CFAP61: variants seen among roughly 807,000 people sequenced by gnomAD.
CFAP61 encodes the protein cilia and flagella associated protein 61, also known as cilia- and flagella-associated protein 61.
In CFAP61, 107 loss-of-function variants were observed where a neutral mutation model predicts 135.6. That is an observed-to-expected ratio of 0.79 (90% CI 0.67 to 0.93). CFAP61 has a LOEUF of 0.93. Ranked by LOEUF, CFAP61 falls within the 40% of genes least tolerant of loss-of-function variation. The pLI is 0.00. For missense variants in CFAP61, 1,507 were observed against 1,556.2 expected, an observed-to-expected ratio of 0.97 and a Z score of 0.53; for synonymous variants, 575 against 578.5, an observed-to-expected ratio of 0.99 and a Z score of 0.09.
Position 20,269,152 on chromosome 20 carries a change from C to CACACACACATACATATATGTATAT in CFAP61, c.2503+6031_2503+6032insTACATATATGTATATACACACACA, listed in dbSNP as rs1569219258. On this transcript the variant is annotated intron_variant, in intron 21 of 26. Transcript: ENST00000245957. Reference sequence around the variant, plus strand: ...ATATATATATATATATATATACACACACACACACACACATACATATATGTA... The same window carrying CACACACACATACATATATGTATAT: ...ATATATATATATATATATATACACACACACACACATACATATATGTATATACACACACACACATACATATATGTA... 6.7e-5 allele frequency among the ~76,000 whole-genome samples: 6 copies of CACACACACATACATATATGTATAT among 89,532 alleles called. 1 individual carries two copies. Among genetic ancestry groups the CACACACACATACATATATGTATAT allele is most frequent in the African/African-American group, 1.5e-4 (4 of 27,142 alleles). The allele number at this position is 89,532 out of a possible 152,430, so 58.7% of individuals were successfully genotyped here. A position where few individuals can be genotyped will look rare whatever the true frequency, so the allele number is the denominator to read the frequency against.
intron 6 of CFAP61, among the ~76,000 whole-genome samples, chr20:20,090,018 T>C (rs138476623): frequency 1.3e-4 from 20 of 152,372 alleles, no homozygotes; most frequent in Non-Finnish European, 2.4e-4. Flanking sequence ...AAGGGACTTA[T>C]AGTGGTTACT....
intron 8 of CFAP61, among the ~76,000 whole-genome samples, chr20:20,123,696 CT>C (rs1222336739): frequency 6.6e-6 from 1 of 151,590 alleles, no homozygotes; most frequent in Non-Finnish European, 1.5e-5. Flanking sequence ...TTTGCTTAGT[CT>C]TGCTTTGGCT....
chr20:20,322,310 A>G (rs1000620980), intron 25 of CFAP61, among the ~76,000 whole-genome samples: 4 of 152,134 alleles, frequency 2.6e-5, no homozygotes, highest in African/African-American at 4.8e-5. Context: ...ACATAACTGA[A>G]ATGCTCGGAT....
At chr20:20,247,717 C>T (rs1038204080) in intron 19 of CFAP61, among the ~76,000 whole-genome samples, 1 of 152,202 alleles carries the variant, frequency 6.6e-6, no homozygotes, top group Admixed American at 6.5e-5. Context: ...TCTCCAGCCT[C>T]ACCTTTTATT....
At chr20:20,159,265 A>G in intron 9 of CFAP61, 105 bp from the exon 10 acceptor site, 1 of 986,586 alleles carries the variant, frequency 1.0e-6, no homozygotes, top group East Asian at 2.4e-5. Context: ...AAGGCCAGTA[A>G]GCTGTAGAGC....
At chr20:20,191,501 G>T in intron 15 of CFAP61, 82 bp downstream of exon 15, 1 of 936,486 alleles carries the variant, frequency 1.1e-6, no homozygotes, top group Non-Finnish European at 1.7e-6. Flanking sequence ...TTTTGGAGTT[G>T]TACTTTTACT....
chr20:20,276,289 T>G (rs750272747), intron 21 of CFAP61, among the ~76,000 whole-genome samples: 2 of 152,184 alleles, frequency 1.3e-5, no homozygotes, highest in Non-Finnish European at 1.5e-5. Flanking sequence ...TTCAATGAAG[T>G]GTACATTTTG....
chr20:20,355,276 G>A (rs534794237), intron 26 of CFAP61, among the ~76,000 whole-genome samples: 1 of 145,106 alleles, frequency 6.9e-6, no homozygotes, highest in African/African-American at 2.6e-5. Flanking sequence ...ACTGTGAGGG[G>A]TGGTCACACT....
intron 19 of CFAP61, among the ~76,000 whole-genome samples, chr20:20,246,636 T>G (rs2050479442): frequency 6.6e-6 from 1 of 152,244 alleles, no homozygotes; most frequent in South Asian, 2.1e-4. Flanking sequence ...TCCATGCCAG[T>G]CTGGGTGAGC....
chr20:20,201,332 C>T (rs1019370129), intron 17 of CFAP61, among the ~76,000 whole-genome samples: 1 of 152,242 alleles, frequency 6.6e-6, no homozygotes, highest in Admixed American at 6.5e-5. Flanking sequence ...ACTCAGCACC[C>T]AGCTGCAATG....
chr20:20,254,447 G>A (rs546597219), intron 20 of CFAP61, among the ~76,000 whole-genome samples: 8 of 151,908 alleles, frequency 5.3e-5, no homozygotes, highest in African/African-American at 7.2e-5. Flanking sequence ...CCAGAGCCTC[G>A]GGCATCTGCC....
intron 6 of CFAP61, among the ~76,000 whole-genome samples, chr20:20,084,032 G>C (rs574726449): frequency 1.2e-4 from 16 of 138,892 alleles, no homozygotes; most frequent in Non-Finnish European, 1.5e-5. Context: ...AAAGAAAAAG[G>C]GTGCTTGGTT....
At chr20:20,272,449 T>A (rs80264724) in intron 21 of CFAP61, among the ~76,000 whole-genome samples, 2 of 92,460 alleles carry the variant, frequency 2.2e-5, no homozygotes, top group Admixed American at 1.0e-4. Context: ...TAATTAATTA[T>A]AAAATAAAAG....
At chr20:20,347,766 C>G (rs1463097036) in intron 26 of CFAP61, among the ~76,000 whole-genome samples, 3 of 151,854 alleles carry the variant, frequency 2.0e-5, no homozygotes, top group African/African-American at 7.3e-5. Context: ...AACCCCTTCT[C>G]TACCAAAAAT....
chr20:20,104,000 G>C (rs566434408), intron 8 of CFAP61, among the ~76,000 whole-genome samples: 4 of 152,310 alleles, frequency 2.6e-5, no homozygotes, highest in African/African-American at 7.2e-5. Flanking sequence ...CTCCTGCAAG[G>C]TTCCGATTTG....
At chr20:20,080,153 TTAAAAG>T (rs954661192) in intron 6 of CFAP61, among the ~76,000 whole-genome samples, 31 of 152,152 alleles carry the variant, frequency 2.0e-4, no homozygotes, top group African/African-American at 6.8e-4. Context: ...ATCATAAAAC[TTAAAAG>T]TAAAAGTTAT....
chr20:20,080,235 A>G (rs2146590292), intron 6 of CFAP61, among the ~76,000 whole-genome samples: 1 of 152,286 alleles, frequency 6.6e-6, no homozygotes, highest in East Asian at 1.9e-4. Flanking sequence ...CACTCTCTCT[A>G]CATATATACC....
At chr20:20,132,289 GTA>G (rs897090983) in intron 8 of CFAP61, among the ~76,000 whole-genome samples, 3 of 150,876 alleles carry the variant, frequency 2.0e-5, no homozygotes, top group South Asian at 2.1e-4. Flanking sequence ...ATAGTCTGTT[GTA>G]TATATATATA....
chr20:20,176,451 GC>G (rs1251537990), intron 13 of CFAP61, among the ~76,000 whole-genome samples: 1 of 152,146 alleles, frequency 6.6e-6, no homozygotes, highest in Admixed American at 6.5e-5. Flanking sequence ...TAACCCAAAT[GC>G]CCATCACTGA....
Sources: gnomAD v4.1 joint callset for allele counts (sites outside exome capture counted in the v4.1 genomes callset) on GRCh38, gnomAD v4.1.1 for gene constraint, MANE v1.5 for transcripts, NCBI Gene and HGNC (gene_info 2026-07-23, HGNC 2026-07-21) for gene names.